GALNT10: variants seen among roughly 807,000 people sequenced by gnomAD.
GALNT10 encodes the protein GalNAc transferase 10.
GALNT10 carries 41 observed loss-of-function variants against 75.0 expected under a neutral mutation model. That is an observed-to-expected ratio of 0.55 (90% CI 0.43 to 0.71). The LOEUF is 0.71. Ranked by LOEUF, GALNT10 falls within the 30% of genes least tolerant of loss-of-function variation. The probability of loss-of-function intolerance (pLI) is 0.00; values close to 1 mark genes in which losing one functional copy is unlikely to be tolerated. For synonymous variants in GALNT10, 302 were observed against 313.0 expected, an observed-to-expected ratio of 0.96 and a Z score of 0.37; for missense variants, 727 against 818.5, an observed-to-expected ratio of 0.89 and a Z score of 1.36.
At chr5:154,275,305 A>G (rs1348052812) in intron 1 of GALNT10, among the ~76,000 whole-genome samples, 1 of 152,212 alleles carries the variant, frequency 6.6e-6, no homozygotes, top group Non-Finnish European at 1.5e-5. Flanking sequence ...CCAGTTCACA[A>G]TGAGATAGAT....
rs1240064798 is a variant in GALNT10, at chr5:154,301,752, C to A, written c.401+3673C>A. Among the ~76,000 whole-genome samples, 29 of 152,214 alleles carry A rather than the reference C, an allele frequency of 1.9e-4. No homozygotes were observed. In the East Asian group the frequency reaches 5.2e-3, roughly 27 times the overall value. ...AATTGGTTTTCTTTAAAATCTGGTA[C>A]ATTTTATGTATTATGAGCATTGCTC... is the stretch of plus-strand genomic sequence containing the variant. On this transcript the variant is annotated intron_variant, in intron 3 of 11. Transcript: ENST00000297107.
chr5:154,272,971 G>A lies in GALNT10; in HGVS notation c.160-21845G>A, dbSNP rs146571566. Among the ~76,000 whole-genome samples, 341 of 152,298 alleles carry A rather than the reference G, an allele frequency of 2.2e-3. 2 individuals carry two copies. The highest frequency in any genetic ancestry group is 3.8e-3 in the Non-Finnish European group (256 of 68,026). ...TAGGAAATGGGCTCAGCCTGGAGGT[G>A]GATCTGCAGTTTCTGGTGGTTAGGA... On this transcript the variant is annotated intron_variant, in intron 1 of 11. Transcript: ENST00000297107.
At chr5:154,299,927 T>C (rs1320582463) in intron 3 of GALNT10, among the ~76,000 whole-genome samples, 3 of 151,450 alleles carry the variant, frequency 2.0e-5, no homozygotes, top group African/African-American at 7.3e-5. Context: ...CTCTGCCTCC[T>C]GAGCTCAAGC....
chr5:154,286,296 G>A (rs1754109890), intron 1 of GALNT10, among the ~76,000 whole-genome samples: 1 of 152,084 alleles, frequency 6.6e-6, no homozygotes, highest in African/African-American at 2.4e-5. Flanking sequence ...TAAGTTGATG[G>A]ACAGATGGAC....
intron 1 of GALNT10, among the ~76,000 whole-genome samples, chr5:154,273,924 G>A (rs1021522390): frequency 2.2e-4 from 33 of 152,196 alleles, no homozygotes; most frequent in African/African-American, 7.2e-4. Context: ...CTCCCCCTCC[G>A]CCTCCCAGTT....
At chr5:154,295,080 C>G (rs1229916797) in intron 2 of GALNT10, among the ~76,000 whole-genome samples, 162 bp downstream of exon 2, 1 of 152,030 alleles carries the variant, frequency 6.6e-6, no homozygotes, top group Non-Finnish European at 1.5e-5. Context: ...CATCCCTTCC[C>G]CTGATTCCCA....
intron 3 of GALNT10, among the ~76,000 whole-genome samples, chr5:154,328,114 A>G (rs1046979945): frequency 1.3e-5 from 2 of 151,846 alleles, no homozygotes; most frequent in African/African-American, 4.8e-5. Flanking sequence ...AAGCTTATGT[A>G]TAAAAGAGAC....
intron 6 of GALNT10, among the ~76,000 whole-genome samples, chr5:154,381,928 C>T (rs368018411): frequency 6.6e-6 from 1 of 152,222 alleles, no homozygotes; most frequent in Non-Finnish European, 1.5e-5. Flanking sequence ...AAGATAACCT[C>T]CCCACCACAA....
At chr5:154,246,266 C>T (rs1753422262) in intron 1 of GALNT10, among the ~76,000 whole-genome samples, 2 of 152,294 alleles carry the variant, frequency 1.3e-5, no homozygotes, top group South Asian at 2.1e-4. Flanking sequence ...CTGCAATAAA[C>T]ATACGTGTGC....
At chr5:154,328,799 G>A (rs537735862) in intron 3 of GALNT10, among the ~76,000 whole-genome samples, 10 of 152,112 alleles carry the variant, frequency 6.6e-5, no homozygotes, top group Non-Finnish European at 1.2e-4. Flanking sequence ...AGGGGAACAC[G>A]TTTACCAGTT....
chr5:154,245,359 G>C (rs1412200933), intron 1 of GALNT10, among the ~76,000 whole-genome samples: 1 of 152,190 alleles, frequency 6.6e-6, no homozygotes, highest in South Asian at 2.1e-4. Context: ...ACTTAGCTAT[G>C]TGCCCTGCAT....
rs573469814 is a variant in GALNT10 at position 154,234,532 on chromosome 5, C to T, written c.159+43507C>T. 2.5e-4 allele frequency among the ~76,000 whole-genome samples: 38 copies of T among 152,376 alleles called. No homozygotes were observed. In the South Asian group the frequency reaches 7.7e-3, roughly 31 times the overall value. On this transcript the variant is annotated intron_variant, in intron 1 of 11. Coordinates refer to ENST00000297107, the MANE Select transcript of GALNT10 (RefSeq NM_198321.4). ...TTCTAAGCACATCATTACATAGTAA[C>T]TCTAATCCTCAGAAACAAGTTTATG... is the stretch of plus-strand genomic sequence containing the variant.
chr5:154,325,356 A>G (rs1336243350), intron 3 of GALNT10, among the ~76,000 whole-genome samples: 1 of 152,194 alleles, frequency 6.6e-6, no homozygotes, highest in African/African-American at 2.4e-5. Flanking sequence ...AAGTAGCTAT[A>G]TTAATGTTAA....
intron 1 of GALNT10, among the ~76,000 whole-genome samples, chr5:154,204,155 T>C (rs551744279): frequency 3.9e-4 from 60 of 152,314 alleles, no homozygotes; most frequent in Non-Finnish European, 7.5e-4. Flanking sequence ...GTTGGGTCCC[T>C]GACTCAGCAG....
intron 1 of GALNT10, among the ~76,000 whole-genome samples, chr5:154,255,989 T>C (rs1753602658): frequency 2.0e-5 from 3 of 152,132 alleles, no homozygotes; most frequent in African/African-American, 4.8e-5. Flanking sequence ...CAGTGAAGTA[T>C]AACTCTCTTA....
chr5:154,304,634 A>G (rs1754404907), intron 3 of GALNT10, among the ~76,000 whole-genome samples: 1 of 152,220 alleles, frequency 6.6e-6, no homozygotes, highest in East Asian at 1.9e-4. Context: ...GAAGATCACT[A>G]GAAATAGTAG....
At chr5:154,286,751 G>A (rs921116713) in intron 1 of GALNT10, among the ~76,000 whole-genome samples, 1 of 152,196 alleles carries the variant, frequency 6.6e-6, no homozygotes, top group African/African-American at 2.4e-5. Flanking sequence ...GCATCCTGGT[G>A]TTGAGACAAT....
At chr5:154,358,828 G>T (rs1230211131) in intron 4 of GALNT10, among the ~76,000 whole-genome samples, 1 of 152,164 alleles carries the variant, frequency 6.6e-6, no homozygotes, top group Non-Finnish European at 1.5e-5. Context: ...CATCCTAACT[G>T]CTCAGAGCAT....
At chr5:154,247,698 T>G (rs559911677) in intron 1 of GALNT10, among the ~76,000 whole-genome samples, 2 of 152,362 alleles carry the variant, frequency 1.3e-5, no homozygotes, top group African/African-American at 4.8e-5. Context: ...CTTATCAGCT[T>G]AAGGAGATTT....
Sources: allele counts gnomAD v4.1 joint callset (sites outside exome capture counted in the v4.1 genomes callset), GRCh38; gene constraint gnomAD v4.1.1; transcripts MANE v1.5; gene names NCBI Gene and HGNC (gene_info 2026-07-23, HGNC 2026-07-21).